Variants in ARHGEF12 observed in about 807,000 individuals in gnomAD.
ARHGEF12 encodes Rho guanine nucleotide exchange factor 12, also known as KMT2A/ARHGEF12 fusion protein.
A neutral mutation model predicts 211.2 loss-of-function variants in ARHGEF12; 66 were observed. That is an observed-to-expected ratio of 0.31 (90% CI 0.26 to 0.38). The LOEUF (loss-of-function observed/expected upper bound fraction) is 0.38. Among genes scored for constraint, ARHGEF12 ranks in the 10% least tolerant of loss-of-function variants. The pLI, the probability that ARHGEF12 is intolerant of heterozygous loss-of-function variation, is 1.00. For synonymous variants in ARHGEF12, 592 were observed against 638.4 expected, an observed-to-expected ratio of 0.93 and a Z score of 1.09; for missense variants, 1,429 against 1,869.5, an observed-to-expected ratio of 0.76 and a Z score of 4.34.
intron 15 of ARHGEF12, among the ~76,000 whole-genome samples, chr11:120,442,965 C>T (rs372859253): frequency 5.9e-5 from 9 of 151,708 alleles, no homozygotes; most frequent in African/African-American, 1.7e-4. Context: ...ATCATCTGCC[C>T]TCATTATACC....
At chr11:120,441,611 C>A in intron 13 of ARHGEF12, 96 bp from the exon 14 acceptor site, 1 of 891,282 alleles carries the variant, frequency 1.1e-6, no homozygotes. Flanking sequence ...ATAGGGAGAT[C>A]AAAGTGAAAT....
At position 120,478,279 on chromosome 11, in the gene ARHGEF12, A is replaced by G. The variant is rs549800641; in HGVS notation, c.3656A>G (p.Gln1219Arg). ...FVAERQFAKE[Q>R]HTDGTLKEVG... The stretch of plus-strand genomic sequence containing the variant: ...GCTGAGAGACAGTTTGCAAAGGAAC[A>G]ACATACAGATGGGACACTAAAGGAA... Residue 1219 changes from glutamine (Q) to arginine (R), a missense_variant, in exon 37 of 41, where the codon CAA (glutamine) becomes CGA (arginine). Coordinates refer to ENST00000397843, the MANE Select transcript of ARHGEF12 (RefSeq NM_015313.3). 1.7e-5 allele frequency: 28 copies of G among 1,614,232 alleles called. No individual in the cohort carries two copies. In the East Asian group the frequency reaches 5.8e-4, roughly 33 times the overall value.
chr11:120,346,646 T>C (rs1353659824), intron 1 of ARHGEF12, among the ~76,000 whole-genome samples: 1 of 152,246 alleles, frequency 6.6e-6, no homozygotes, highest in Non-Finnish European at 1.5e-5. Flanking sequence ...ATAGTCTACA[T>C]CAACAAGTTC....
At chr11:120,366,602 A>G (rs1355048343) in intron 1 of ARHGEF12, among the ~76,000 whole-genome samples, 1 of 152,204 alleles carries the variant, frequency 6.6e-6, no homozygotes, top group Non-Finnish European at 1.5e-5. Context: ...GGCTGTGAGC[A>G]ACAGGTAAAT....
intron 1 of ARHGEF12, among the ~76,000 whole-genome samples, chr11:120,399,357 G>C (rs374966159): frequency 1.2e-5 from 1 of 85,264 alleles, no homozygotes; most frequent in Admixed American, 1.2e-4. Context: ...AAAAAGAAAA[G>C]AAAGATAAAT....
At chr11:120,476,316 A>G (rs1008435414) in intron 33 of ARHGEF12, 1 of 168,502 alleles carries the variant, frequency 5.9e-6, no homozygotes, top group African/African-American at 2.4e-5. Flanking sequence ...CAAGCGGTCC[A>G]CCTGCCTCGG....
intron 1 of ARHGEF12, among the ~76,000 whole-genome samples, chr11:120,375,800 A>G (rs1446108714): frequency 1.3e-5 from 2 of 152,028 alleles, no homozygotes; most frequent in Non-Finnish European, 2.9e-5. Flanking sequence ...ACCACATTAT[A>G]TTTAGTTTGT....
At chr11:120,351,990 C>G (rs1192042982) in intron 1 of ARHGEF12, among the ~76,000 whole-genome samples, 2 of 152,130 alleles carry the variant, frequency 1.3e-5, no homozygotes, top group Non-Finnish European at 2.9e-5. Flanking sequence ...TTTGAAACTA[C>G]TGGTCACAGT....
At chr11:120,457,293 A>G (rs959893111) in intron 23 of ARHGEF12, 43 bp downstream of exon 23, 6 of 1,606,212 alleles carry the variant, frequency 3.7e-6, no homozygotes, top group Non-Finnish European at 5.1e-6. Context: ...CATTACTTAA[A>G]GTTTTTAAAT....
intron 1 of ARHGEF12, among the ~76,000 whole-genome samples, chr11:120,385,968 T>C (rs1454249403): frequency 6.6e-6 from 1 of 152,152 alleles, no homozygotes; most frequent in East Asian, 1.9e-4. Context: ...GGATTAATAT[T>C]ACAGTGGGGG....
At chr11:120,400,734 AT>A in intron 1 of ARHGEF12, among the ~76,000 whole-genome samples, 1 of 152,260 alleles carries the variant, frequency 6.6e-6, no homozygotes, top group East Asian at 1.9e-4. Context: ...AATGAAAGTA[AT>A]TTAGAAAAAA....
chr11:120,456,013 G>A (rs183091285), intron 22 of ARHGEF12, among the ~76,000 whole-genome samples: 1 of 152,208 alleles, frequency 6.6e-6, no homozygotes, highest in Non-Finnish European at 1.5e-5. Context: ...TCATTGGACC[G>A]GTAGGAAAAA....
intron 21 of ARHGEF12, chr11:120,451,281 C>T (rs1176813196): frequency 7.7e-6 from 3 of 390,214 alleles, no homozygotes; most frequent in East Asian, 5.0e-5. Flanking sequence ...CGGGTTGGAG[C>T]GATTCTCCTG....
chr11:120,447,287 G>GGT (rs1312482682), intron 18 of ARHGEF12: 3 of 480,264 alleles, frequency 6.2e-6, no homozygotes, highest in Non-Finnish European at 1.0e-5. Context: ...TTTTCTGGGT[G>GGT]GTGGTAAATG....
At chr11:120,383,687 G>A (rs531785055) in intron 1 of ARHGEF12, among the ~76,000 whole-genome samples, 11 of 152,254 alleles carry the variant, frequency 7.2e-5, no homozygotes, top group African/African-American at 2.4e-4. Flanking sequence ...CGAGTGATGG[G>A]GAGCAGCTGT....
intron 11 of ARHGEF12, among the ~76,000 whole-genome samples, chr11:120,433,691 C>T (rs995195921): frequency 6.6e-6 from 1 of 152,178 alleles, no homozygotes; most frequent in Non-Finnish European, 1.5e-5. Context: ...CGCCGTGGAT[C>T]ACGCCTGTAA....
intron 1 of ARHGEF12, among the ~76,000 whole-genome samples, chr11:120,379,846 G>C (rs1201586657): frequency 1.3e-5 from 2 of 151,952 alleles, no homozygotes; most frequent in African/African-American, 4.8e-5. Flanking sequence ...TTTATTTATT[G>C]ATAGATTTGG....
chr11:120,383,578 C>T (rs897116346), intron 1 of ARHGEF12, among the ~76,000 whole-genome samples: 1 of 152,008 alleles, frequency 6.6e-6, no homozygotes, highest in Non-Finnish European at 1.5e-5. Flanking sequence ...GAGTGTGCAA[C>T]CTAGATCCCT....
At chr11:120,413,976 G>C (rs1323199372) in intron 4 of ARHGEF12, among the ~76,000 whole-genome samples, 1 of 152,014 alleles carries the variant, frequency 6.6e-6, no homozygotes, top group Non-Finnish European at 1.5e-5. Flanking sequence ...CTTCTTTCAG[G>C]AACAGTTATA....
Sources: allele counts gnomAD v4.1 joint callset (sites outside exome capture counted in the v4.1 genomes callset), GRCh38; gene constraint gnomAD v4.1.1; transcripts MANE v1.5; gene names NCBI Gene and HGNC (gene_info 2026-07-23, HGNC 2026-07-21).